The following RIMS3 variants were observed in gnomAD, a reference collection of about 807,000 sequenced individuals.
RIMS3 encodes the protein regulating synaptic membrane exocytosis 3.
A neutral mutation model predicts 29.2 loss-of-function variants in RIMS3; 15 were observed. The ratio of observed to expected loss-of-function variants is 0.51; its 90% CI spans 0.34 to 0.79. The LOEUF is 0.79. RIMS3 is among the 30% of genes least tolerant of loss of function. RIMS3 has a pLI of 0.01. For synonymous variants in RIMS3, 161 were observed against 170.1 expected (o/e 0.95, Z 0.41); for missense variants, 342 against 421.4 (o/e 0.81, Z 1.65).
chr1:40,650,546 C>T (rs1232188499), intron 1 of RIMS3, among the ~76,000 whole-genome samples: 2 of 152,132 alleles, frequency 1.3e-5, no homozygotes, highest in Non-Finnish European at 2.9e-5. Context: ...TCCAGCCACA[C>T]TTGCTTCTTT....
chr1:40,677,235 C>T, the RIMS3 span, among the ~76,000 whole-genome samples: 1 of 151,454 alleles, frequency 6.6e-6, no homozygotes, highest in African/African-American at 2.4e-5. Flanking sequence ...GAACTCCTGA[C>T]CTCAGGTGAT....
chr1:40,689,346 A>G, the RIMS3 span, among the ~76,000 whole-genome samples: 66 of 152,122 alleles, frequency 4.3e-4, no homozygotes, highest in East Asian at 7.2e-3. Flanking sequence ...CAGTGGCGTG[A>G]TATTTGCTCA....
Position 40,635,137 on chromosome 1 carries a change from G to A in RIMS3, c.359+779C>T, listed in dbSNP as rs1053063929. Among the ~76,000 whole-genome samples the A allele has an allele frequency of 5.3e-5, 8 of 152,200 alleles. No individual in the cohort carries two copies. The highest frequency in any genetic ancestry group is 1.9e-4 in the African/African-American group (8 of 41,454). On this transcript the variant is annotated intron_variant, in intron 4 of 7. Transcript: ENST00000372684. This position sits in a 1 kb window ranked among gnomAD's most constrained non-coding sequence, Gnocchi z 4.1. ...GACACACAATCACTGAATCTCAAAC[G>A]AGGGAGCCACAGAATCCTAAGCCTG...
chr1:40,685,649 C>T, the RIMS3 span, among the ~76,000 whole-genome samples: 41 of 151,934 alleles, frequency 2.7e-4, no homozygotes, highest in African/African-American at 9.4e-4. Context: ...CTATGAGCAG[C>T]GTATGGGAAG....
At chr1:40,670,415 G>C (rs1205404989), upstream of RIMS3, among the ~76,000 whole-genome samples, 1 of 151,578 alleles carries the variant, frequency 6.6e-6, no homozygotes, top group Non-Finnish European at 1.5e-5. Context: ...GGATGGGTAA[G>C]AGCTTACACA....
chr1:40,665,712 G>A (rs897604268), upstream of RIMS3: 2 of 152,878 alleles, frequency 1.3e-5, no homozygotes, highest in Non-Finnish European at 2.9e-5. Flanking sequence ...AGGCGAAGGG[G>A]AGGCGGGGCC....
intron 1 of RIMS3, among the ~76,000 whole-genome samples, chr1:40,655,684 T>C (rs1642263780): frequency 1.3e-5 from 2 of 152,226 alleles, no homozygotes; most frequent in Non-Finnish European, 2.9e-5. Flanking sequence ...TAACACTGTG[T>C]GTCACCTCAA....
At chr1:40,660,855 C>T (rs1256389465) in intron 1 of RIMS3, among the ~76,000 whole-genome samples, 1 of 152,088 alleles carries the variant, frequency 6.6e-6, no homozygotes, top group Non-Finnish European at 1.5e-5. Context: ...TGACAAGGGG[C>T]TCTGAGCTTG....
chr1:40,690,849 G>A, the RIMS3 span: 1 of 152,180 alleles, frequency 6.6e-6, no homozygotes, highest in Non-Finnish European at 1.5e-5. Flanking sequence ...TCCTCTCTGC[G>A]CTTGTTACCT....
intron 6 of RIMS3, 54 bp downstream of exon 6, chr1:40,629,217 A>G: frequency 6.8e-7 from 1 of 1,464,010 alleles, no homozygotes; most frequent in Non-Finnish European, 9.6e-7. Context: ...TGCTAGACCC[A>G]GAGCTCGGCT....
chr1:40,653,336 T>G, intron 1 of RIMS3, among the ~76,000 whole-genome samples: 1 of 149,844 alleles, frequency 6.7e-6, no homozygotes, highest in Non-Finnish European at 1.5e-5. Context: ...GGAGGGAGAG[T>G]CCATGGTGAA....
intron 2 of RIMS3, among the ~76,000 whole-genome samples, chr1:40,647,224 T>C (rs1055283789): frequency 1.3e-5 from 2 of 152,088 alleles, no homozygotes; most frequent in African/African-American, 2.4e-5. Context: ...AAGCTCAAGA[T>C]GAACCTAGCC....
chr1:40,657,715 C>A (rs988366801), intron 1 of RIMS3, among the ~76,000 whole-genome samples: 4 of 148,870 alleles, frequency 2.7e-5, no homozygotes, highest in African/African-American at 1.0e-4. Context: ...CCATTGCACT[C>A]CAGCCTGGGT....
rs1646436192 is a variant in RIMS3, at chr1:40,623,700, C to G, written c.*2817G>C. 5.1e-6 allele frequency: 2 copies of G among 394,786 alleles called. No homozygotes were observed. The highest frequency in any genetic ancestry group is 8.9e-6 in the Non-Finnish European group (2 of 224,732). The allele number at this position is 394,786 out of a possible 1,614,324, so 24.5% of individuals were successfully genotyped here. On this transcript the variant is annotated 3_prime_UTR_variant, in exon 8 of 8. Transcript: ENST00000372684. Reference sequence around the variant, plus strand: ...TCAAACAGCAGATGCTCCCCCACCCCAGCAAACAACCAGGAGTTACACTTG... The same window carrying G: ...TCAAACAGCAGATGCTCCCCCACCCGAGCAAACAACCAGGAGTTACACTTG...
rs1356051439 is a variant in RIMS3 at position 40,654,776 on chromosome 1, A to C, written c.-206-6934T>G. Reference sequence around the variant, plus strand: ...CACAGTGCACACACAATATGCCCTCAGAGACCCTCAGACATATCTGTGAGT... The same window carrying C: ...CACAGTGCACACACAATATGCCCTCCGAGACCCTCAGACATATCTGTGAGT... On this transcript the variant is annotated intron_variant, in intron 1 of 7. Transcript: ENST00000372684. This position sits in a 1 kb window ranked among gnomAD's most constrained non-coding sequence, Gnocchi z 5.3. Among the ~76,000 whole-genome samples the C allele has an allele frequency of 6.6e-6, 1 of 152,136 alleles. No homozygotes were observed. The highest frequency in any genetic ancestry group is 2.4e-5 in the African/African-American group (1 of 41,420).
At chr1:40,689,424 G>A in the RIMS3 span, among the ~76,000 whole-genome samples, 1 of 152,142 alleles carries the variant, frequency 6.6e-6, no homozygotes, top group South Asian at 2.1e-4. Context: ...TGGGATTGCA[G>A]GTGCCTGCCA....
At chr1:40,626,808 T>G in intron 7 of RIMS3, 79 bp from the exon 8 acceptor site, 1 of 1,325,632 alleles carries the variant, frequency 7.5e-7, no homozygotes, top group Non-Finnish European at 1.1e-6. Flanking sequence ...AACCTACACG[T>G]TTCAGCAGGG....
chr1:40,670,877 C>A, the RIMS3 span, among the ~76,000 whole-genome samples: 4 of 151,702 alleles, frequency 2.6e-5, no homozygotes. Flanking sequence ...TGCGCCTGGC[C>A]AATAACTTAA....
the RIMS3 span, among the ~76,000 whole-genome samples, chr1:40,686,242 T>G: frequency 1.3e-5 from 2 of 152,216 alleles, no homozygotes; most frequent in Non-Finnish European, 2.9e-5. Flanking sequence ...GCTTACAATG[T>G]GCCACTTGTA....
Sources: gnomAD v4.1 joint callset for allele counts (sites outside exome capture counted in the v4.1 genomes callset) on GRCh38, gnomAD v4.1.1 for gene constraint, Gnocchi (gnomAD v3.1) non-coding constraint, MANE v1.5 for transcripts, NCBI Gene and HGNC (gene_info 2026-07-23, HGNC 2026-07-21) for gene names.